The following OLA1 variants were observed in gnomAD, a reference collection of about 807,000 sequenced individuals.
The protein encoded by OLA1 is obg-like ATPase 1.
In OLA1, 14 loss-of-function variants were observed where a neutral mutation model predicts 48.4. The ratio of observed to expected loss-of-function variants is 0.29; its 90% CI spans 0.19 to 0.45. The LOEUF is 0.45. Among genes scored for constraint, OLA1 ranks in the 20% least tolerant of loss-of-function variants. The pLI is 1.00. For synonymous variants in OLA1, 127 were observed against 150.4 expected (o/e 0.84, Z 1.14); for missense variants, 325 against 467.1 (o/e 0.70, Z 2.80).
intron 7 of OLA1, among the ~76,000 whole-genome samples, chr2:174,114,203 CT>C (rs1197730429): frequency 6.8e-6 from 1 of 147,728 alleles, no homozygotes; most frequent in African/African-American, 2.5e-5. Context: ...ATTAGCCAGC[CT>C]GGTGGCGGGC....
At chr2:174,220,714 A>C (rs564417655) in intron 4 of OLA1, among the ~76,000 whole-genome samples, 1 of 152,340 alleles carries the variant, frequency 6.6e-6, no homozygotes, top group African/African-American at 2.4e-5. Flanking sequence ...AACAATGTAT[A>C]TATTTTACAT....
chr2:174,231,730 A>G (rs1688732936), intron 2 of OLA1, among the ~76,000 whole-genome samples: 1 of 152,208 alleles, frequency 6.6e-6, no homozygotes, highest in South Asian at 2.1e-4. Context: ...GTGAAACCCA[A>G]GTCATCTGTA....
At chr2:174,084,420 G>A (rs1189901732) in intron 7 of OLA1, among the ~76,000 whole-genome samples, 1 of 152,242 alleles carries the variant, frequency 6.6e-6, no homozygotes, top group African/African-American at 2.4e-5. Flanking sequence ...AAAAGTGAGT[G>A]AGGTTCTTTG....
At chr2:174,095,382 A>G (rs904457076) in intron 7 of OLA1, among the ~76,000 whole-genome samples, 3 of 129,766 alleles carry the variant, frequency 2.3e-5, no homozygotes, top group Non-Finnish European at 4.7e-5. Flanking sequence ...TGGCTTCCCA[A>G]TGGGTGTGGG....
At chr2:174,175,721 A>AC (rs1687404751) in intron 4 of OLA1, among the ~76,000 whole-genome samples, 1 of 152,096 alleles carries the variant, frequency 6.6e-6, no homozygotes, top group African/African-American at 2.4e-5. Flanking sequence ...CTAGATATTT[A>AC]CCCAAAAGAA....
rs1688682852 is a variant in OLA1, at chr2:174,229,468, C to T, written c.102-17G>A. On this transcript the variant is annotated splice_polypyrimidine_tract_variant and intron_variant, in intron 2 of 10. Transcript: ENST00000284719. ...GTAGATTTCCTAAAACAAATAAAAGCAATTTCAATCAATTCTTAGGTTAAC... is the reference window on the plus strand; with the variant it reads ...GTAGATTTCCTAAAACAAATAAAAGTAATTTCAATCAATTCTTAGGTTAAC... 1.3e-6 allele frequency: 2 copies of T among 1,588,916 alleles called. No homozygotes were observed. The highest frequency in any genetic ancestry group is 8.6e-7 in the Non-Finnish European group (1 of 1,165,048).
intron 4 of OLA1, among the ~76,000 whole-genome samples, chr2:174,188,599 G>A (rs903883379): frequency 2.0e-5 from 3 of 152,080 alleles, no homozygotes; most frequent in African/African-American, 7.2e-5. Flanking sequence ...ATGTAAATAA[G>A]TGTAAGAAAA....
intron 10 of OLA1, among the ~76,000 whole-genome samples, chr2:174,076,711 G>A (rs10930632): frequency 0.42 from 63,533 of 151,162 alleles, 14,196 homozygotes; most frequent in East Asian, 0.94. Context: ...CTTATTTCTA[G>A]AAAGCCAACG....
intron 4 of OLA1, among the ~76,000 whole-genome samples, chr2:174,205,612 A>T (rs1688094461): frequency 6.6e-6 from 1 of 152,148 alleles, no homozygotes; most frequent in Admixed American, 6.5e-5. Context: ...AAATATCTAA[A>T]TCTCTGCTGG....
At chr2:174,095,332 T>G (rs929204550) in intron 7 of OLA1, among the ~76,000 whole-genome samples, 8 of 109,788 alleles carry the variant, frequency 7.3e-5, no homozygotes, top group South Asian at 3.5e-4. Flanking sequence ...CCTGTTTTTT[T>G]TTTTTTTTTT....
intron 4 of OLA1, among the ~76,000 whole-genome samples, chr2:174,186,666 G>A (rs1687662629): frequency 6.8e-6 from 1 of 147,998 alleles, no homozygotes; most frequent in Non-Finnish European, 1.5e-5. Context: ...TGCATTACTC[G>A]CTATTTTTTT....
rs71021678 is a variant in OLA1, at chr2:174,203,465, C to CTTTTT, written c.373+19563_373+19567dup. ...CTCCTAACTACTGTCTAGCTAACAT[C>CTTTTT]TTTTTTTTTTTTTTTTTAAGAGATG... On this transcript the variant is annotated intron_variant, in intron 4 of 10. Coordinates refer to ENST00000284719, the MANE Select transcript of OLA1 (RefSeq NM_013341.5). Among the ~76,000 whole-genome samples, 57 of 140,556 alleles carry CTTTTT rather than the reference C, an allele frequency of 4.1e-4. 1 individual carries two copies. The highest frequency in any genetic ancestry group is 6.1e-4 in the Non-Finnish European group (40 of 65,084). The allele number at this position is 140,556 out of a possible 152,430, so 92.2% of individuals were successfully genotyped here.
In OLA1 at chr2:174,168,145, C is replaced by T. The variant is rs116048032; in HGVS notation, c.374-26145G>A. Among the ~76,000 whole-genome samples the T allele has an allele frequency of 8.7e-3, 1,329 of 152,316 alleles. 23 individuals carry two copies. The highest frequency in any genetic ancestry group is 0.029 in the African/African-American group (1,223 of 41,576). Reference sequence around the variant, plus strand: ...GGGCAAGCTACAGATAAATCATGGTCTTTCTGTCCTAGAGAAGCAGAAAAC... The same window carrying T: ...GGGCAAGCTACAGATAAATCATGGTTTTTCTGTCCTAGAGAAGCAGAAAAC... On this transcript the variant is annotated intron_variant, in intron 4 of 10. Coordinates refer to ENST00000284719, the MANE Select transcript of OLA1 (RefSeq NM_013341.5).
chr2:174,131,144 G>A (rs1352440119), intron 5 of OLA1, among the ~76,000 whole-genome samples: 1 of 152,140 alleles, frequency 6.6e-6, no homozygotes, highest in Non-Finnish European at 1.5e-5. Context: ...CTCCTCTTCA[G>A]AGATAATCAC....
Position 174,188,045 on chromosome 2 carries a change from T to G in OLA1, c.373+34988A>C, listed in dbSNP as rs547339838. On this transcript the variant is annotated intron_variant, in intron 4 of 10. Transcript: ENST00000284719. ...AGTTGTTCATTCATTGACCAGTGGT[T>G]AAACGGCCAAAATGGTTCTGAATCA... 1.3e-3 allele frequency among the ~76,000 whole-genome samples: 202 copies of G among 152,304 alleles called. 3 individuals are homozygous for G. Among genetic ancestry groups the G allele is most frequent in the Middle Eastern group, 3.4e-3 (1 of 294 alleles).
At chr2:174,188,258 G>C (rs1397635613) in intron 4 of OLA1, among the ~76,000 whole-genome samples, 1 of 152,056 alleles carries the variant, frequency 6.6e-6, no homozygotes, top group Non-Finnish European at 1.5e-5. Flanking sequence ...TTGTTAATGA[G>C]GCAGATGATC....
At chr2:174,229,274 A>T (rs781478020) in intron 3 of OLA1, 34 bp downstream of exon 3, 14 of 1,603,336 alleles carry the variant, frequency 8.7e-6, no homozygotes, top group Non-Finnish European at 1.2e-5. Flanking sequence ...ATCTACACAA[A>T]ATCACCAAAT....
At chr2:174,181,718 T>C (rs1439430744) in intron 4 of OLA1, among the ~76,000 whole-genome samples, 3 of 152,184 alleles carry the variant, frequency 2.0e-5, no homozygotes, top group African/African-American at 7.2e-5. Context: ...TTACAAATAT[T>C]TACGTGATTT....
intron 4 of OLA1, among the ~76,000 whole-genome samples, chr2:174,188,659 GC>G (rs1217603360): frequency 6.6e-6 from 1 of 152,156 alleles, no homozygotes; most frequent in Non-Finnish European, 1.5e-5. Context: ...GGATGGTGAT[GC>G]AAAACAACTA....
Sources: gnomAD v4.1 joint callset for allele counts (sites outside exome capture counted in the v4.1 genomes callset) on GRCh38, gnomAD v4.1.1 for gene constraint, MANE v1.5 for transcripts, NCBI Gene and HGNC (gene_info 2026-07-23, HGNC 2026-07-21) for gene names.